Variants in ROR2 observed in about 807,000 individuals in gnomAD.
ROR2 encodes tyrosine-protein kinase transmembrane receptor ROR2.
A neutral mutation model predicts 74.9 loss-of-function variants in ROR2; 33 were observed. That is an observed-to-expected ratio of 0.44 (90% CI 0.33 to 0.59). The LOEUF (loss-of-function observed/expected upper bound fraction) is 0.59. Ranked by LOEUF, ROR2 falls within the 20% of genes least tolerant of loss-of-function variation. The pLI is 0.02. For synonymous variants in ROR2, 586 were observed against 558.7 expected (o/e 1.05, Z -0.69); for missense variants, 1,216 against 1,313.8 (o/e 0.93, Z 1.15).
chr9:91,760,634 A>C (rs1436263320), intron 2 of ROR2, among the ~76,000 whole-genome samples: 1 of 123,322 alleles, frequency 8.1e-6, no homozygotes, highest in South Asian at 2.4e-4. Context: ...ACTCTGTCTC[A>C]AAAAAAAAAA....
In ROR2 at chr9:91,745,426, A is replaced by ATTTTTT. The variant is rs72432798; in HGVS notation, c.495-7914_495-7909dup. Reference sequence around the variant, plus strand: ...AGGCATGAGCCACCATGCCCAGCCTATTTTTTTTTTTTTTTTTTTTTGAGA... The same window carrying ATTTTTT: ...AGGCATGAGCCACCATGCCCAGCCTATTTTTTTTTTTTTTTTTTTTTTTTTTTGAGA... On this transcript the variant is annotated intron_variant, in intron 4 of 8. Transcript: ENST00000375708. Among the ~76,000 whole-genome samples the ATTTTTT allele has an allele frequency of 6.5e-4, 65 of 99,736 alleles. 1 individual carries two copies. Among genetic ancestry groups the ATTTTTT allele is most frequent in the African/African-American group, 1.2e-3 (29 of 23,556 alleles). 65.4% of individuals were successfully genotyped at this position (99,736 alleles called of 152,430 possible).
At chr9:91,828,811 T>C (rs1433603028) in intron 1 of ROR2, among the ~76,000 whole-genome samples, 1 of 152,260 alleles carries the variant, frequency 6.6e-6, no homozygotes, top group Non-Finnish European at 1.5e-5. Context: ...CCTGTCTTAA[T>C]ACACTGACAA....
chr9:91,925,593 C>A (rs1287829185), intron 1 of ROR2, among the ~76,000 whole-genome samples: 1 of 152,152 alleles, frequency 6.6e-6, no homozygotes, highest in African/African-American at 2.4e-5. Flanking sequence ...ATTCCCAATG[C>A]CCTCGCCATC....
rs192548938 is a variant in ROR2 at position 91,938,447 on chromosome 9, C to T, written c.97+11420G>A. On this transcript the variant is annotated intron_variant, in intron 1 of 8. Transcript: ENST00000375708. ...CACTCCAGCCTGGGTGACAGAGTGACACTCCATCTCAAAAAGAAAACAAAT... is the reference window on the plus strand; with the variant it reads ...CACTCCAGCCTGGGTGACAGAGTGATACTCCATCTCAAAAAGAAAACAAAT... Among the ~76,000 whole-genome samples, 5 of 151,996 alleles carry T rather than the reference C, an allele frequency of 3.3e-5. No individual in the cohort carries two copies. In the East Asian group the frequency reaches 9.7e-4, roughly 29 times the overall value.
intron 7 of ROR2, among the ~76,000 whole-genome samples, chr9:91,730,662 C>T (rs1352233324): frequency 3.3e-5 from 5 of 152,130 alleles, no homozygotes; most frequent in African/African-American, 1.2e-4. Flanking sequence ...CCATGTTGAC[C>T]AGGCTGGTCT....
At chr9:91,902,187 AAAG>A (rs923415403) in intron 1 of ROR2, among the ~76,000 whole-genome samples, 2 of 152,214 alleles carry the variant, frequency 1.3e-5, no homozygotes, top group Non-Finnish European at 2.9e-5. Context: ...CTCACACAAC[AAAG>A]AAGAGGAAGG....
chr9:91,912,063 A>T (rs1281014937), intron 1 of ROR2, among the ~76,000 whole-genome samples: 1 of 152,188 alleles, frequency 6.6e-6, no homozygotes, highest in African/African-American at 2.4e-5. Flanking sequence ...CAAACTAGAA[A>T]CAAATTAGAA....
At chr9:91,741,338 T>TAATAATAATAAA (rs1825238680) in intron 4 of ROR2, among the ~76,000 whole-genome samples, 1 of 140,370 alleles carries the variant, frequency 7.1e-6, no homozygotes, top group South Asian at 2.3e-4. Flanking sequence ...ATAATAATAA[T>TAATAATAATAAA]AATAAAATAA....
chr9:91,767,080 G>GTT (rs386736274), intron 2 of ROR2, among the ~76,000 whole-genome samples: 2 of 140,148 alleles, frequency 1.4e-5, no homozygotes, highest in East Asian at 2.0e-4. Context: ...ATGACTTACG[G>GTT]TTTTTTTTTT....
In ROR2 at chr9:91,867,410, T is replaced by A. The variant is rs1829665713; in HGVS notation, c.97+82457A>T. The stretch of plus-strand genomic sequence containing the variant: ...AATTCTGCAATTGGAGGAGCTGGGG[T>A]CTCAAGAGGTGGTCAAACTCCATTG... On this transcript the variant is annotated intron_variant, in intron 1 of 8. Coordinates refer to ENST00000375708, the MANE Select transcript of ROR2 (RefSeq NM_004560.4). Among the ~76,000 whole-genome samples, 3 of 152,102 alleles carry A rather than the reference T, an allele frequency of 2.0e-5. No individual in the cohort carries two copies. The South Asian group carries it at 6.2e-4, about 32-fold the overall frequency.
At chr9:91,730,243 GATA>G (rs1378690539) in intron 7 of ROR2, among the ~76,000 whole-genome samples, 3 of 152,056 alleles carry the variant, frequency 2.0e-5, no homozygotes, top group African/African-American at 7.2e-5. Flanking sequence ...CGCACTGGGA[GATA>G]ATGTTAATGG....
At chr9:91,876,820 A>C (rs150836913) in intron 1 of ROR2, among the ~76,000 whole-genome samples, 74 of 152,318 alleles carry the variant, frequency 4.9e-4, no homozygotes, top group African/African-American at 1.8e-3. Flanking sequence ...TGAGGAGAAG[A>C]AAGAAGTAAA....
intron 1 of ROR2, among the ~76,000 whole-genome samples, chr9:91,875,652 G>C (rs1273948447): frequency 6.6e-6 from 1 of 152,174 alleles, no homozygotes; most frequent in African/African-American, 2.4e-5. Flanking sequence ...GGGAAACAAA[G>C]ATGATTCAAG....
rs118059532 is a variant in ROR2 at position 91,851,485 on chromosome 9, G to A, written c.98-75667C>T. Among the ~76,000 whole-genome samples, 204 of 152,122 alleles carry A rather than the reference G, an allele frequency of 1.3e-3. 4 individuals carry two copies. In the East Asian group the frequency reaches 0.034, roughly 26 times the overall value. On this transcript the variant is annotated intron_variant, in intron 1 of 8. Coordinates refer to ENST00000375708, the MANE Select transcript of ROR2 (RefSeq NM_004560.4). ...ATTATGACAATACATTTTGACACTG[G>A]GTAGAGCAAGGTTCTCACGATAATT...
intron 1 of ROR2, among the ~76,000 whole-genome samples, chr9:91,793,370 A>C (rs933543915): frequency 1.3e-5 from 2 of 152,140 alleles, no homozygotes; most frequent in Non-Finnish European, 2.9e-5. Context: ...CAGGACAGTT[A>C]TTTGAGAAAA....
intron 1 of ROR2, among the ~76,000 whole-genome samples, chr9:91,909,620 G>A (rs1333728607): frequency 6.6e-6 from 1 of 150,966 alleles, no homozygotes; most frequent in Non-Finnish European, 1.5e-5. Context: ...CCACAGTGCT[G>A]GGATTACAGG....
At chr9:91,912,549 A>G (rs1831022108) in intron 1 of ROR2, among the ~76,000 whole-genome samples, 1 of 152,200 alleles carries the variant, frequency 6.6e-6, no homozygotes, top group Admixed American at 6.5e-5. Context: ...TTCAAAATTA[A>G]AAGTATGCTT....
rs563338730 is a variant in ROR2, at chr9:91,894,793, A to C, written c.97+55074T>G. Among the ~76,000 whole-genome samples the C allele has an allele frequency of 2.6e-5, 4 of 152,306 alleles. No homozygotes were observed. The South Asian group carries it at 6.2e-4, about 24-fold the overall frequency. On this transcript the variant is annotated intron_variant, in intron 1 of 8. Transcript: ENST00000375708. ...AACACTGATGACACCAAATGCTGGG[A>C]GGATGTGGAGCAACAGGAGGTCCCA...
intron 1 of ROR2, among the ~76,000 whole-genome samples, chr9:91,809,970 G>C (rs192733456): frequency 6.6e-6 from 1 of 152,378 alleles, no homozygotes; most frequent in East Asian, 1.9e-4. Flanking sequence ...TGGTAAAGCT[G>C]ATCTTGCAAT....
Sources: gnomAD v4.1 joint callset for allele counts (sites outside exome capture counted in the v4.1 genomes callset) on GRCh38, gnomAD v4.1.1 for gene constraint, MANE v1.5 for transcripts, NCBI Gene and HGNC (gene_info 2026-07-23, HGNC 2026-07-21) for gene names.